Variants in ESR1 observed in about 807,000 individuals in gnomAD.
ESR1 encodes estrogen receptor.
A neutral mutation model predicts 52.7 loss-of-function variants in ESR1; 12 were observed. The ratio of observed to expected loss-of-function variants is 0.23; its 90% CI spans 0.15 to 0.37. The LOEUF (loss-of-function observed/expected upper bound fraction) is 0.37, where lower values mean the gene tolerates loss of function less well. Ranked by LOEUF, ESR1 falls within the 10% of genes least tolerant of loss-of-function variation. ESR1 has a pLI of 1.00. For synonymous variants in ESR1, 305 were observed against 316.8 expected (o/e 0.96, Z 0.39); for missense variants, 584 against 779.7 (o/e 0.75, Z 2.99).
chr6:152,116,937 T>C (rs1332473540), intron 6 of ESR1, among the ~76,000 whole-genome samples: 1 of 152,118 alleles, frequency 6.6e-6, no homozygotes, highest in Non-Finnish European at 1.5e-5. Context: ...TGGAGGAGGA[T>C]GGGGAAGCTT....
intron 3 of ESR1, among the ~76,000 whole-genome samples, chr6:151,941,978 C>A (rs1033377383): frequency 1.3e-5 from 2 of 152,174 alleles, no homozygotes; most frequent in African/African-American, 2.4e-5. Flanking sequence ...CACTATATAA[C>A]CTGATTTCAT....
intron 5 of ESR1, among the ~76,000 whole-genome samples, chr6:152,031,896 A>C (rs2044747226): frequency 6.6e-6 from 1 of 152,196 alleles, no homozygotes; most frequent in Non-Finnish European, 1.5e-5. Context: ...CCTGAGTAAA[A>C]TACTGGCAAA....
At chr6:151,931,427 C>T (rs950096513) in intron 3 of ESR1, among the ~76,000 whole-genome samples, 3 of 151,962 alleles carry the variant, frequency 2.0e-5, no homozygotes, top group Non-Finnish European at 4.4e-5. Context: ...TGTATGTTGT[C>T]TTCTTTTTCC....
intron 2 of ESR1, among the ~76,000 whole-genome samples, chr6:151,770,452 C>G (rs977811559): frequency 6.6e-6 from 1 of 151,762 alleles, no homozygotes; most frequent in Non-Finnish European, 1.5e-5. Context: ...AGGCATAATT[C>G]CAACGATTTC....
At chr6:151,979,681 G>A (rs1281222135) in intron 4 of ESR1, among the ~76,000 whole-genome samples, 1 of 152,136 alleles carries the variant, frequency 6.6e-6, no homozygotes, top group Admixed American at 6.5e-5. Context: ...TAATTCTTCT[G>A]AAGTTCTTGA....
chr6:151,861,795 A>G (rs1418317240), intron 2 of ESR1, among the ~76,000 whole-genome samples: 1 of 152,004 alleles, frequency 6.6e-6, no homozygotes. Flanking sequence ...TTTTTCCAGC[A>G]TTAGAATAGT....
At chr6:151,998,711 G>C (rs913353863) in intron 4 of ESR1, among the ~76,000 whole-genome samples, 7 of 152,118 alleles carry the variant, frequency 4.6e-5, no homozygotes, top group African/African-American at 2.4e-5. Context: ...AACAACTGGA[G>C]TTAATTCTCA....
chr6:152,109,433 A>G (rs2152513183), intron 6 of ESR1, among the ~76,000 whole-genome samples: 1 of 152,114 alleles, frequency 6.6e-6, no homozygotes, highest in African/African-American at 2.4e-5. Context: ...TGAGAGGCCA[A>G]GGCGGGCGGA....
chr6:151,776,306 G>A (rs192794810), intron 2 of ESR1, among the ~76,000 whole-genome samples: 301 of 152,326 alleles, frequency 2.0e-3, no homozygotes, highest in Non-Finnish European at 3.5e-3. Flanking sequence ...ATTCAGTTCA[G>A]AATAGGAGGG....
intron 2 of ESR1, among the ~76,000 whole-genome samples, chr6:151,774,952 T>C (rs1382997788): frequency 6.6e-6 from 1 of 152,258 alleles, no homozygotes; most frequent in Non-Finnish European, 1.5e-5. Context: ...TAATTTTAGT[T>C]GACTTATCCC....
chr6:151,775,618 C>T (rs1333521626), intron 2 of ESR1, among the ~76,000 whole-genome samples: 4 of 152,064 alleles, frequency 2.6e-5, no homozygotes, highest in Non-Finnish European at 5.9e-5. Context: ...CCGTGGCGGG[C>T]GCCTGTAGTC....
At chr6:151,872,667 C>A (rs952367745) in intron 2 of ESR1, among the ~76,000 whole-genome samples, 1 of 152,094 alleles carries the variant, frequency 6.6e-6, no homozygotes, top group Non-Finnish European at 1.5e-5. Context: ...ATTGTTTGAA[C>A]CTGTTTTCTA....
At chr6:151,943,340 A>C (rs1355483004) in intron 3 of ESR1, among the ~76,000 whole-genome samples, 1 of 151,866 alleles carries the variant, frequency 6.6e-6, no homozygotes, top group East Asian at 1.9e-4. Flanking sequence ...AGATCCCGCC[A>C]CTGCACTCCA....
At chr6:151,982,767 T>C (rs1015548218) in intron 4 of ESR1, among the ~76,000 whole-genome samples, 5 of 152,078 alleles carry the variant, frequency 3.3e-5, no homozygotes, top group African/African-American at 1.2e-4. Flanking sequence ...TATAAAAAAA[T>C]TAGCATTTCA....
upstream of ESR1, chr6:151,804,328 A>G (rs993136688): frequency 2.6e-5 from 4 of 152,204 alleles, no homozygotes; most frequent in African/African-American, 7.2e-5. Flanking sequence ...TATTCTTCCT[A>G]TGTCAATAGT....
In ESR1 at chr6:152,077,894, C is replaced by T. The variant is rs540249501; in HGVS notation, c.1370-16491C>T. On this transcript the variant is annotated intron_variant, in intron 6 of 7. Transcript: ENST00000206249. ...AGGCTCATAGGCAAAAGGGACTTGCCTTGTCTCAGATGAGACTTTGGACTG... is the reference window on the plus strand; with the variant it reads ...AGGCTCATAGGCAAAAGGGACTTGCTTTGTCTCAGATGAGACTTTGGACTG... 2.5e-4 allele frequency among the ~76,000 whole-genome samples: 38 copies of T among 152,294 alleles called. 1 individual carries two copies. Among genetic ancestry groups the T allele is most frequent in the Admixed American group, 2.4e-3 (37 of 15,300 alleles).
intron 1 of ESR1, among the ~76,000 whole-genome samples, chr6:151,696,383 A>G (rs1044657871): frequency 1.3e-5 from 2 of 152,098 alleles, no homozygotes; most frequent in African/African-American, 4.8e-5. Flanking sequence ...GAGGCAGGAG[A>G]TTCGCTTGAA....
At chr6:151,752,110 C>T (rs529141917) in intron 2 of ESR1, among the ~76,000 whole-genome samples, 4 of 152,186 alleles carry the variant, frequency 2.6e-5, no homozygotes, top group East Asian at 1.9e-4. Context: ...TGCGTGCTGG[C>T]GAGGAAGCCC....
chr6:151,719,422 G>A (rs1781294900), intron 2 of ESR1, among the ~76,000 whole-genome samples: 1 of 152,136 alleles, frequency 6.6e-6, no homozygotes, highest in African/African-American at 2.4e-5. Flanking sequence ...ACATGAGGAA[G>A]TGAGACAGTC....
Sources: gnomAD v4.1 joint callset for allele counts (sites outside exome capture counted in the v4.1 genomes callset) on GRCh38, gnomAD v4.1.1 for gene constraint, MANE v1.5 for transcripts, NCBI Gene and HGNC (gene_info 2026-07-23, HGNC 2026-07-21) for gene names.